Variants in PPP1R14C observed in about 807,000 individuals in gnomAD.
PPP1R14C encodes protein phosphatase 1 regulatory inhibitor subunit 14C, also known as protein phosphatase 1 regulatory subunit 14C.
In PPP1R14C, 16 loss-of-function variants were observed where a neutral mutation model predicts 20.4. That is an observed-to-expected ratio of 0.78 (90% CI 0.53 to 1.19). PPP1R14C has a LOEUF of 1.19. Among genes scored for constraint, PPP1R14C ranks in the 50% most tolerant of loss-of-function variants. PPP1R14C has a pLI of 0.00. For missense variants in PPP1R14C, 211 were observed against 220.1 expected (o/e 0.96, Z 0.26); for synonymous variants, 91 against 91.0 (o/e 1.00, Z 0.00).
intron 1 of PPP1R14C, among the ~76,000 whole-genome samples, chr6:150,192,499 G>A (rs1777757058): frequency 6.6e-6 from 1 of 152,150 alleles, no homozygotes; most frequent in African/African-American, 2.4e-5. Flanking sequence ...AGGCGGTAAT[G>A]CTTTCTTGCC....
chr6:150,148,015 A>G (rs942297825), intron 1 of PPP1R14C, among the ~76,000 whole-genome samples: 1 of 152,238 alleles, frequency 6.6e-6, no homozygotes, highest in South Asian at 2.1e-4. Flanking sequence ...ATATTATAAA[A>G]GTAATCTGAA....
intron 2 of PPP1R14C, 38 bp downstream of exon 2, chr6:150,214,865 G>A (rs1473998428): frequency 7.0e-7 from 1 of 1,435,136 alleles, no homozygotes; most frequent in South Asian, 1.2e-5. Flanking sequence ...TCTAATCATG[G>A]ACACTTGAGA....
At position 150,143,240 on chromosome 6, in the gene PPP1R14C, C is replaced by A; in HGVS notation, c.48C>A (p.Gly16=). Residue 16 remains glycine, a synonymous_variant, in exon 1 of 4, where the codon GGC becomes GGA. Transcript: ENST00000361131. The surrounding 1 kb of genome is among the most constrained non-coding windows in gnomAD (Gnocchi z 5.6). ...GCGAGACGGCCGGCGGGGCCAGCGG[C>A]GGCGGCGCACGGGTTTTCTTCCAAA... is the stretch of plus-strand genomic sequence containing the variant. ...GSSETAGGAS[G]GGARVFFQSP... 2.2e-6 allele frequency: 3 copies of A among 1,388,434 alleles called. No individual in the cohort carries two copies. Among genetic ancestry groups the A allele is most frequent in the Non-Finnish European group, 2.8e-6 (3 of 1,083,106 alleles). The allele number at this position is 1,388,434 out of a possible 1,614,324, so 86.0% of individuals were successfully genotyped here. A position where few individuals can be genotyped will look rare whatever the true frequency, so the allele number is the denominator to read the frequency against.
In PPP1R14C at chr6:150,229,892, G is replaced by A. The variant is rs192775347; in HGVS notation, c.423+13036G>A. 3.7e-4 allele frequency among the ~76,000 whole-genome samples: 57 copies of A among 152,254 alleles called. 1 individual carries two copies. Among genetic ancestry groups the A allele is most frequent in the Non-Finnish European group, 7.4e-4 (50 of 68,012 alleles). On this transcript the variant is annotated intron_variant, in intron 3 of 3. Coordinates refer to ENST00000361131, the MANE Select transcript of PPP1R14C (RefSeq NM_030949.3). ...AACCCCTGCCCCCCAAAAAGAAGGG[G>A]GAAATTAAATGTGTCAGTGGTGAGT... is the stretch of plus-strand genomic sequence containing the variant.
chr6:150,165,650 T>TC (rs1467916457), intron 1 of PPP1R14C, among the ~76,000 whole-genome samples: 1 of 152,224 alleles, frequency 6.6e-6, no homozygotes, highest in Non-Finnish European at 1.5e-5. Flanking sequence ...AGTTAAACAC[T>TC]CAGTGCAAGG....
At chr6:150,237,918 G>A (rs1261460125) in intron 3 of PPP1R14C, among the ~76,000 whole-genome samples, 1 of 152,120 alleles carries the variant, frequency 6.6e-6, no homozygotes, top group Non-Finnish European at 1.5e-5. Context: ...GTTTCAAAGG[G>A]TTCTTCTATA....
intron 1 of PPP1R14C, among the ~76,000 whole-genome samples, chr6:150,145,483 T>C (rs1777171400): frequency 6.6e-6 from 1 of 152,236 alleles, no homozygotes; most frequent in Non-Finnish European, 1.5e-5. Flanking sequence ...TGGCAATTTG[T>C]AATCACTATG....
intron 1 of PPP1R14C, among the ~76,000 whole-genome samples, chr6:150,184,629 A>C (rs1369652321): frequency 6.7e-6 from 1 of 149,652 alleles, no homozygotes; most frequent in African/African-American, 2.5e-5. Flanking sequence ...CATATTTTGG[A>C]CTTCTCTCTG....
rs745503308 is a variant in PPP1R14C, at chr6:150,185,349, CA to C, written c.307-29393del. Among the ~76,000 whole-genome samples the C allele has an allele frequency of 6.6e-6, 1 of 152,152 alleles. No individual in the cohort carries two copies. The highest frequency in any genetic ancestry group is 1.5e-5 in the Non-Finnish European group (1 of 68,032). On this transcript the variant is annotated intron_variant, in intron 1 of 3. Transcript: ENST00000361131. This position sits in a 1 kb window ranked among gnomAD's most constrained non-coding sequence, Gnocchi z 4.1. Reference sequence around the variant, plus strand: ...GTCTCATGAAAGTCACACAGACCTGCAAGGCTCCTGCAATCTGCCCTTTACT... The same window carrying C: ...GTCTCATGAAAGTCACACAGACCTGCAGGCTCCTGCAATCTGCCCTTTACT...
At chr6:150,247,691 G>A (rs1778510807) in intron 3 of PPP1R14C, among the ~76,000 whole-genome samples, 1 of 152,020 alleles carries the variant, frequency 6.6e-6, no homozygotes, top group Non-Finnish European at 1.5e-5. Context: ...TTTATCTATA[G>A]TTTGCTGTCA....
intron 3 of PPP1R14C, among the ~76,000 whole-genome samples, chr6:150,235,384 C>T (rs1263290113): frequency 6.6e-6 from 1 of 152,316 alleles, no homozygotes; most frequent in Non-Finnish European, 1.5e-5. Flanking sequence ...GGCACTACAC[C>T]CAGCTGACGG....
intron 1 of PPP1R14C, among the ~76,000 whole-genome samples, chr6:150,144,812 A>G (rs1777164140): frequency 1.3e-5 from 2 of 152,252 alleles, no homozygotes. Context: ...AGCTCTTACA[A>G]AAAGCTAATT....
At chr6:150,203,554 A>G (rs1339185061) in intron 1 of PPP1R14C, among the ~76,000 whole-genome samples, 4 of 152,066 alleles carry the variant, frequency 2.6e-5, no homozygotes, top group African/African-American at 4.8e-5. Context: ...ATATTTGGCC[A>G]TTGCTGATCT....
chr6:150,143,491 G>A lies in PPP1R14C; in HGVS notation c.299G>A (p.Gly100Asp). The A allele has an allele frequency of 6.3e-7, 1 of 1,592,350 alleles. No homozygotes were observed. The highest frequency in any genetic ancestry group is 2.3e-5 in the East Asian group (1 of 43,422). Residue 100 changes from glycine (G) to aspartate (D), a missense_variant, in exon 1 of 4, where the codon GGC becomes GAC. Transcript: ENST00000361131. This position sits in a 1 kb window ranked among gnomAD's most constrained non-coding sequence, Gnocchi z 5.6. The stretch of plus-strand genomic sequence containing the variant: ...GTGGAGCAGCTGGGTCAGCTCTACG[G>A]CTGCGAGGTACCTGGGCGCGGGGCT... ...WIVEQLGQLY[G>D]CEEEEMPEVE...
At chr6:150,146,463 T>C (rs1487585011) in intron 1 of PPP1R14C, among the ~76,000 whole-genome samples, 1 of 152,234 alleles carries the variant, frequency 6.6e-6, no homozygotes. Context: ...ATAATGACCT[T>C]GAAGTCTAGG....
At chr6:150,246,992 A>C (rs772317901) in intron 3 of PPP1R14C, among the ~76,000 whole-genome samples, 7 of 152,172 alleles carry the variant, frequency 4.6e-5, no homozygotes, top group Non-Finnish European at 1.0e-4. Context: ...TGAGGACTGC[A>C]TTGTTGCTGG....
intron 1 of PPP1R14C, among the ~76,000 whole-genome samples, chr6:150,159,617 CTTTT>C (rs35323993): frequency 1.4e-5 from 2 of 146,126 alleles, no homozygotes; most frequent in African/African-American, 5.0e-5. Context: ...GCCAGGCATT[CTTTT>C]TTTTTTTTTT....
intron 1 of PPP1R14C, among the ~76,000 whole-genome samples, chr6:150,167,046 C>T (rs1777429667): frequency 6.6e-6 from 1 of 151,830 alleles, no homozygotes; most frequent in Non-Finnish European, 1.5e-5. Context: ...GCCTGGCCAA[C>T]ATGGTGAAAC....
chr6:150,143,065 G>C lies in PPP1R14C; in HGVS notation c.-128G>C, dbSNP rs1189806186. On this transcript the variant is annotated 5_prime_UTR_variant, in exon 1 of 4. Coordinates refer to ENST00000361131, the MANE Select transcript of PPP1R14C (RefSeq NM_030949.3). The surrounding 1 kb of genome is among the most constrained non-coding windows in gnomAD (Gnocchi z 5.6). ...TCCCAGAGCAGCCGGGCGGCTGGGCGCGCGCGGCGCAGAGCAGGTGCCGGG... is the reference window on the plus strand; with the variant it reads ...TCCCAGAGCAGCCGGGCGGCTGGGCCCGCGCGGCGCAGAGCAGGTGCCGGG... 2 of 1,081,350 alleles carry C rather than the reference G, an allele frequency of 1.8e-6. No individual in the cohort carries two copies. The highest frequency in any genetic ancestry group is 2.2e-6 in the Non-Finnish European group (2 of 896,260). 67.0% of individuals were successfully genotyped at this position (1,081,350 alleles called of 1,614,324 possible). A position where few individuals can be genotyped will look rare whatever the true frequency, so the allele number is the denominator to read the frequency against.
Sources: allele counts gnomAD v4.1 joint callset (sites outside exome capture counted in the v4.1 genomes callset), GRCh38; gene constraint gnomAD v4.1.1; non-coding constraint Gnocchi (gnomAD v3.1); transcripts MANE v1.5; gene names NCBI Gene and HGNC (gene_info 2026-07-23, HGNC 2026-07-21).